Variants in KCNH1 observed in about 807,000 individuals in gnomAD.
The protein encoded by KCNH1 is voltage-gated delayed rectifier potassium channel KCNH1.
KCNH1 carries 27 observed loss-of-function variants against 69.2 expected under a neutral mutation model. That is an observed-to-expected ratio of 0.39 (90% CI 0.29 to 0.54). The LOEUF (loss-of-function observed/expected upper bound fraction) is 0.54, where lower values mean the gene tolerates loss of function less well. Ranked by LOEUF, KCNH1 falls within the 20% of genes least tolerant of loss-of-function variation. KCNH1 has a pLI of 0.68. For missense variants in KCNH1, 798 were observed against 1,261.6 expected (o/e 0.63, Z 5.57); for synonymous variants, 456 against 487.7 (o/e 0.93, Z 0.86).
intron 6 of KCNH1, among the ~76,000 whole-genome samples, chr1:210,957,783 C>T (rs1006216865): frequency 5.9e-5 from 9 of 152,044 alleles, no homozygotes; most frequent in African/African-American, 2.2e-4. Context: ...TTCCTCCATC[C>T]GTTTATTTTG....
At chr1:210,848,895 C>A (rs1685619676) in intron 7 of KCNH1, among the ~76,000 whole-genome samples, 1 of 151,944 alleles carries the variant, frequency 6.6e-6, no homozygotes, top group Admixed American at 6.5e-5. Flanking sequence ...ATAGAGGTTA[C>A]AAAGGTAAAG....
intron 10 of KCNH1, among the ~76,000 whole-genome samples, chr1:210,742,540 G>A (rs1419792314): frequency 6.6e-6 from 1 of 152,208 alleles, no homozygotes; most frequent in African/African-American, 2.4e-5. Context: ...TGGGCACTCA[G>A]TGGTTCTTAT....
chr1:210,805,600 A>G (rs1684534156), intron 7 of KCNH1, among the ~76,000 whole-genome samples: 1 of 152,238 alleles, frequency 6.6e-6, no homozygotes, highest in African/African-American at 2.4e-5. Flanking sequence ...TTATTAAGAT[A>G]TAATTCATAC....
At chr1:211,061,919 C>T (rs1189860475) in intron 5 of KCNH1, among the ~76,000 whole-genome samples, 1 of 151,990 alleles carries the variant, frequency 6.6e-6, no homozygotes, top group African/African-American at 2.4e-5. Context: ...CAATGCAATC[C>T]CTATTAAAAT....
intron 6 of KCNH1, among the ~76,000 whole-genome samples, chr1:210,947,064 G>A (rs1238522629): frequency 6.6e-6 from 1 of 152,150 alleles, no homozygotes; most frequent in Non-Finnish European, 1.5e-5. Context: ...TTAATTTCAA[G>A]ACCAAAGCCC....
At chr1:210,780,773 C>A (rs1222799232) in intron 9 of KCNH1, among the ~76,000 whole-genome samples, 1 of 152,178 alleles carries the variant, frequency 6.6e-6, no homozygotes, top group Admixed American at 6.5e-5. Flanking sequence ...CATGGCCGGG[C>A]GCGGTGGCTC....
chr1:210,746,476 C>G (rs2149040000), intron 10 of KCNH1, among the ~76,000 whole-genome samples: 1 of 152,288 alleles, frequency 6.6e-6, no homozygotes, highest in South Asian at 2.1e-4. Flanking sequence ...CAGTGCCTCT[C>G]AAAGCCTCTC....
At position 210,905,632 on chromosome 1, in the gene KCNH1, G is replaced by A. The variant is rs767224832; in HGVS notation, c.1462+14008C>T. Among the ~76,000 whole-genome samples, 129 of 151,864 alleles carry A rather than the reference G, an allele frequency of 8.5e-4. 2 individuals carry two copies. In the Middle Eastern group the frequency reaches 0.027, roughly 32 times the overall value. On this transcript the variant is annotated intron_variant, in intron 7 of 10. Coordinates refer to ENST00000271751, the MANE Select transcript of KCNH1 (RefSeq NM_172362.3). ...CTTAGAGCAAAAGAGTTCTTTGTGAGCATCGTGTCTTTCATCTCAGGGGAA... is the reference window on the plus strand; with the variant it reads ...CTTAGAGCAAAAGAGTTCTTTGTGAACATCGTGTCTTTCATCTCAGGGGAA...
At chr1:210,882,223 A>T (rs1412365981) in intron 7 of KCNH1, among the ~76,000 whole-genome samples, 3 of 152,182 alleles carry the variant, frequency 2.0e-5, no homozygotes, top group South Asian at 2.1e-4. Flanking sequence ...TAAAATTTTT[A>T]AAAAATTTAA....
chr1:210,860,046 A>C (rs1418878600), intron 7 of KCNH1: 1 of 1,488,340 alleles, frequency 6.7e-7, no homozygotes, highest in Non-Finnish European at 9.4e-7. Flanking sequence ...GCACTGCAGA[A>C]CGATGACCTC....
At chr1:210,692,475 C>T (rs145976665) in intron 10 of KCNH1, among the ~76,000 whole-genome samples, 1 of 152,304 alleles carries the variant, frequency 6.6e-6, no homozygotes, top group East Asian at 1.9e-4. Flanking sequence ...TCACCTTCTC[C>T]TTGTTTTGTG....
intron 7 of KCNH1, among the ~76,000 whole-genome samples, chr1:210,917,270 A>AGAAAGAAAGAAT (rs1687363577): frequency 6.7e-6 from 1 of 150,142 alleles, no homozygotes; most frequent in Non-Finnish European, 1.5e-5. Flanking sequence ...AAAGAAAGAA[A>AGAAAGAAAGAAT]GAAAGAAAGA....
In KCNH1 at chr1:210,678,802, G is replaced by C. The variant is rs2148997831; in HGVS notation, c.*4479C>G. The C allele has an allele frequency of 6.6e-6, 1 of 152,286 alleles. No individual in the cohort carries two copies. The highest frequency in any genetic ancestry group is 2.1e-4 in the South Asian group (1 of 4,818). 9.4% of individuals were successfully genotyped at this position (152,286 alleles called of 1,614,324 possible). On this transcript the variant is annotated 3_prime_UTR_variant, in exon 11 of 11. Coordinates refer to ENST00000271751, the MANE Select transcript of KCNH1 (RefSeq NM_172362.3). Reference sequence around the variant, plus strand: ...AAGATCAGTTTATATCCTGATACAAGATCTGTGAACTTCTCATTGAACAAC... The same window carrying C: ...AAGATCAGTTTATATCCTGATACAACATCTGTGAACTTCTCATTGAACAAC...
At position 211,133,810 on chromosome 1, in the gene KCNH1, T is replaced by C. The variant is rs2102508551; in HGVS notation, c.79+57A>G. ...GCTGGCTCCGAGCGGCGAGAGGTTC[T>C]GCAATAAAGGCACGGATAAAACGCC... On this transcript the variant is annotated intron_variant, in intron 1 of 10. Coordinates refer to ENST00000271751, the MANE Select transcript of KCNH1 (RefSeq NM_172362.3). The surrounding 1 kb of genome is among the most constrained non-coding windows in gnomAD (Gnocchi z 5.4). The C allele has an allele frequency of 1.3e-6, 2 of 1,499,746 alleles. No individual in the cohort carries two copies. Among genetic ancestry groups the C allele is most frequent in the East Asian group, 2.3e-5 (1 of 42,820 alleles). The allele number at this position is 1,499,746 out of a possible 1,614,324, so 92.9% of individuals were successfully genotyped here.
intron 1 of KCNH1, among the ~76,000 whole-genome samples, chr1:211,130,625 G>T (rs1281319205): frequency 6.6e-6 from 1 of 152,136 alleles, no homozygotes; most frequent in Admixed American, 6.5e-5. Context: ...TCCTAATTCT[G>T]CCTCTTACGA....
At chr1:210,833,724 A>G (rs1574284373) in intron 7 of KCNH1, among the ~76,000 whole-genome samples, 1 of 152,200 alleles carries the variant, frequency 6.6e-6, no homozygotes, top group East Asian at 1.9e-4. Context: ...CAGCAAAAGA[A>G]ACTACCATTA....
intron 7 of KCNH1, among the ~76,000 whole-genome samples, chr1:210,905,898 T>A (rs577309198): frequency 1.3e-5 from 2 of 152,364 alleles, no homozygotes; most frequent in East Asian, 1.9e-4. Flanking sequence ...CAAAGCAGTA[T>A]AACAATATAG....
chr1:210,951,440 T>G lies in KCNH1; in HGVS notation c.1033-31371A>C, dbSNP rs575972064. Among the ~76,000 whole-genome samples, 5 of 152,342 alleles carry G rather than the reference T, an allele frequency of 3.3e-5. No individual in the cohort carries two copies. In the South Asian group the frequency reaches 1.0e-3, roughly 32 times the overall value. ...ATTTGAACCTGCTGTGCATGTAATTTATGTAACAAGCCAGAGCTGCTGTGA... is the reference window on the plus strand; with the variant it reads ...ATTTGAACCTGCTGTGCATGTAATTGATGTAACAAGCCAGAGCTGCTGTGA... On this transcript the variant is annotated intron_variant, in intron 6 of 10. Transcript: ENST00000271751.
rs1033895210 is a variant in KCNH1, at chr1:210,843,067, G to C, written c.1463-38901C>G. 3.3e-5 allele frequency among the ~76,000 whole-genome samples: 5 copies of C among 152,156 alleles called. No individual in the cohort carries two copies. The East Asian group carries it at 9.6e-4, about 29-fold the overall frequency. On this transcript the variant is annotated intron_variant, in intron 7 of 10. Transcript: ENST00000271751. The stretch of plus-strand genomic sequence containing the variant: ...AAATGTCCTTGGTGAAAGAAATAAG[G>C]AATGTGCCCGCAAATCATTCAAAGT...
Sources: gnomAD v4.1 joint callset for allele counts (sites outside exome capture counted in the v4.1 genomes callset) on GRCh38, gnomAD v4.1.1 for gene constraint, Gnocchi (gnomAD v3.1) non-coding constraint, MANE v1.5 for transcripts, NCBI Gene and HGNC (gene_info 2026-07-23, HGNC 2026-07-21) for gene names.